The following TRDN variants were observed in gnomAD, a reference collection of about 807,000 sequenced individuals.
TRDN encodes triadin.
In TRDN, 161 loss-of-function variants were observed where a neutral mutation model predicts 149.7. The ratio of observed to expected loss-of-function variants is 1.08; its 90% CI spans 0.95 to 1.23. The LOEUF (loss-of-function observed/expected upper bound fraction) is 1.23. TRDN is among the 50% of genes most tolerant of loss of function. The probability of loss-of-function intolerance (pLI) is 0.00; values close to 1 mark genes in which losing one functional copy is unlikely to be tolerated. For missense variants in TRDN, 896 were observed against 823.5 expected, an observed-to-expected ratio of 1.09 and a Z score of -1.08; for synonymous variants, 294 against 250.5, an observed-to-expected ratio of 1.17 and a Z score of -1.64.
chr6:123,513,808 A>AT (rs1426665794), intron 6 of TRDN, among the ~76,000 whole-genome samples: 3 of 152,136 alleles, frequency 2.0e-5, no homozygotes, highest in African/African-American at 7.2e-5. Context: ...AAGTGTAAAT[A>AT]TACCATAAAA....
chr6:123,366,456 T>G (rs1781103580), intron 19 of TRDN, among the ~76,000 whole-genome samples: 1 of 152,170 alleles, frequency 6.6e-6, no homozygotes, highest in African/African-American at 2.4e-5. Flanking sequence ...TTCCATAGAC[T>G]TTAGATCAAT....
At chr6:123,464,547 A>G (rs1453678420) in intron 10 of TRDN, 17 of 1,011,078 alleles carry the variant, frequency 1.7e-5, no homozygotes, top group African/African-American at 3.4e-5. Flanking sequence ...ATTCAAACCC[A>G]GCAAATCTGG....
chr6:123,256,873 TTA>T (rs759312114), intron 35 of TRDN, among the ~76,000 whole-genome samples: 6 of 152,148 alleles, frequency 3.9e-5, no homozygotes, highest in Admixed American at 1.3e-4. Flanking sequence ...TTTAGCTGTT[TTA>T]GTCATGAAGT....
chr6:123,577,543 G>T (rs568961152), intron 1 of TRDN, among the ~76,000 whole-genome samples: 2 of 151,992 alleles, frequency 1.3e-5, no homozygotes, highest in East Asian at 3.9e-4. Context: ...TATTTAATCC[G>T]TCATTGGTGG....
intron 38 of TRDN, among the ~76,000 whole-genome samples, chr6:123,241,490 A>G (rs1378137979): frequency 6.6e-6 from 1 of 151,830 alleles, no homozygotes; most frequent in Non-Finnish European, 1.5e-5. Context: ...AATATCTATT[A>G]TACTCTAATA....
chr6:123,414,330 C>G (rs527978780), intron 12 of TRDN, among the ~76,000 whole-genome samples: 1 of 151,970 alleles, frequency 6.6e-6, no homozygotes, highest in Non-Finnish European at 1.5e-5. Flanking sequence ...TCATGTTTAA[C>G]GAGAACGTAC....
chr6:123,467,006 A>G (rs1021565402), intron 9 of TRDN, among the ~76,000 whole-genome samples: 3 of 152,074 alleles, frequency 2.0e-5, no homozygotes, highest in Non-Finnish European at 4.4e-5. Context: ...TATTACCTAT[A>G]TTTAGATTTA....
At chr6:123,556,078 C>A (rs1396902576) in intron 2 of TRDN, among the ~76,000 whole-genome samples, 1 of 152,028 alleles carries the variant, frequency 6.6e-6, no homozygotes, top group Non-Finnish European at 1.5e-5. Flanking sequence ...ACTGAGTAAT[C>A]AGATTGTAAA....
chr6:123,569,566 G>T (rs1010759981), intron 2 of TRDN, among the ~76,000 whole-genome samples: 1 of 152,146 alleles, frequency 6.6e-6, no homozygotes, highest in Non-Finnish European at 1.5e-5. Context: ...AACAAAATAG[G>T]TTTAATAGGC....
chr6:123,375,527 T>C, intron 19 of TRDN, 78 bp downstream of exon 19: 1 of 1,251,264 alleles, frequency 8.0e-7, no homozygotes. Context: ...AAATTAGCAT[T>C]AGCATAGTCT....
intron 1 of TRDN, among the ~76,000 whole-genome samples, chr6:123,603,705 G>A (rs1005018459): frequency 6.6e-6 from 1 of 151,990 alleles, no homozygotes; most frequent in African/African-American, 2.4e-5. Context: ...TACTGCCATT[G>A]TCCATGTTCC....
chr6:123,574,893 T>C lies in TRDN; in HGVS notation c.23-3761A>G, dbSNP rs977539141. Among the ~76,000 whole-genome samples, 365 of 93,966 alleles carry C rather than the reference T, an allele frequency of 3.9e-3. 2 individuals are homozygous for C. Among genetic ancestry groups the C allele is most frequent in the East Asian group, 0.018 (64 of 3,612 alleles). The allele number at this position is 93,966 out of a possible 152,430, so 61.6% of individuals were successfully genotyped here. A position where few individuals can be genotyped will look rare whatever the true frequency, so the allele number is the denominator to read the frequency against. On this transcript the variant is annotated intron_variant, in intron 1 of 40. Transcript: ENST00000334268. ...ATATATATATATATATATATATATA[T>C]ACACACATTTTCCTTTCTTTGATCA...
chr6:123,418,321 ATG>A (rs150557519), intron 12 of TRDN, among the ~76,000 whole-genome samples: 3 of 148,614 alleles, frequency 2.0e-5, no homozygotes, highest in Non-Finnish European at 4.5e-5. Flanking sequence ...GTGTGTGTGT[ATG>A]TGTGTGTGTG....
chr6:123,609,286 T>C (rs1784675688), intron 1 of TRDN, among the ~76,000 whole-genome samples: 2 of 152,136 alleles, frequency 1.3e-5, no homozygotes, highest in Admixed American at 6.6e-5. Flanking sequence ...GTAAAACTTA[T>C]ATTTACTGAT....
chr6:123,557,828 T>A (rs1339645156), intron 2 of TRDN, among the ~76,000 whole-genome samples: 1 of 150,220 alleles, frequency 6.7e-6, no homozygotes, highest in Non-Finnish European at 1.5e-5. Flanking sequence ...TCTCTCCATG[T>A]CTCTACCCTC....
intron 1 of TRDN, among the ~76,000 whole-genome samples, chr6:123,600,655 GA>G (rs1299150511): frequency 2.0e-5 from 3 of 152,032 alleles, no homozygotes; most frequent in African/African-American, 7.2e-5. Flanking sequence ...GACACACGGG[GA>G]TATGAAGTGC....
intron 1 of TRDN, among the ~76,000 whole-genome samples, chr6:123,617,802 G>A (rs886548746): frequency 3.9e-5 from 6 of 152,008 alleles, no homozygotes; most frequent in Admixed American, 2.0e-4. Flanking sequence ...GAAGTGGTGC[G>A]ATGTTGGTTC....
Position 123,430,531 on chromosome 6 carries a change from G to A in TRDN, c.1051+7532C>T, listed in dbSNP as rs144032703. 6.9e-3 allele frequency among the ~76,000 whole-genome samples: 1,046 copies of A among 151,970 alleles called. 14 individuals carry two copies. Among genetic ancestry groups the A allele is most frequent in the African/African-American group, 0.024 (989 of 41,448 alleles). ...CGGGAGGCGGAGGTTGCAGTAAGCCGAGATCGCGCCACTGCACTCCAGCCT... is the reference window on the plus strand; with the variant it reads ...CGGGAGGCGGAGGTTGCAGTAAGCCAAGATCGCGCCACTGCACTCCAGCCT... On this transcript the variant is annotated intron_variant, in intron 12 of 40. Coordinates refer to ENST00000334268, the MANE Select transcript of TRDN (RefSeq NM_006073.4).
rs942760474 is a variant in TRDN, at chr6:123,328,172, C to T, written c.1471+3707G>A. Among the ~76,000 whole-genome samples, 2 of 152,206 alleles carry T rather than the reference C, an allele frequency of 1.3e-5. 1 individual carries two copies. Among genetic ancestry groups the T allele is most frequent in the East Asian group, 3.9e-4 (2 of 5,186 alleles). On this transcript the variant is annotated intron_variant, in intron 23 of 40. Transcript: ENST00000334268. ...AACTTGTTCTTCATTCCTTCTCTCA[C>T]CCAGAATCCCTCGCAGTTAAATGTA...
Sources: allele counts gnomAD v4.1 joint callset (sites outside exome capture counted in the v4.1 genomes callset), GRCh38; gene constraint gnomAD v4.1.1; transcripts MANE v1.5; gene names NCBI Gene and HGNC (gene_info 2026-07-23, HGNC 2026-07-21).